Variants in FAF1 observed in about 807,000 individuals in gnomAD.
The protein encoded by FAF1 is FAS-associated factor 1.
In FAF1, 25 loss-of-function variants were observed where a neutral mutation model predicts 92.5. That is an observed-to-expected ratio of 0.27 (90% CI 0.20 to 0.38). FAF1 has a LOEUF of 0.38. FAF1 is among the 10% of genes least tolerant of loss of function. FAF1 has a pLI of 1.00. For synonymous variants in FAF1, 234 were observed against 273.2 expected (o/e 0.86, Z 1.42); for missense variants, 636 against 793.3 (o/e 0.80, Z 2.38).
chr1:50,950,047 C>G (rs1292459284), intron 1 of FAF1, among the ~76,000 whole-genome samples: 1 of 151,934 alleles, frequency 6.6e-6, no homozygotes, highest in Non-Finnish European at 1.5e-5. Flanking sequence ...TGTTATGTTG[C>G]CCAAGCTGAT....
In FAF1 at chr1:50,841,344, G is replaced by T. The variant is rs1040274003; in HGVS notation, c.114+16585C>A. On this transcript the variant is annotated intron_variant, in intron 2 of 18. Transcript: ENST00000396153. ...AAAAGAGTTTAAGAAAAATTGGTAT[G>T]TATGTACACATGCTTATATATAGAT... Among the ~76,000 whole-genome samples the T allele has an allele frequency of 3.9e-5, 6 of 151,980 alleles. No homozygotes were observed. In the South Asian group the frequency reaches 1.0e-3, roughly 26 times the overall value.
chr1:50,530,238 G>GGTGT (rs72220248), intron 15 of FAF1, among the ~76,000 whole-genome samples: 5,697 of 141,178 alleles, frequency 0.04, 143 homozygotes, highest in Non-Finnish European at 0.051. Flanking sequence ...TTTAAGAAGT[G>GGTGT]GTGTGTGTGT....
At chr1:50,492,956 T>C (rs538928149) in intron 15 of FAF1, among the ~76,000 whole-genome samples, 1 of 152,260 alleles carries the variant, frequency 6.6e-6, no homozygotes, top group African/African-American at 2.4e-5. Context: ...AAGGTAATTG[T>C]TATACTACAA....
chr1:50,638,795 C>A (rs746099111), intron 8 of FAF1, among the ~76,000 whole-genome samples: 1 of 152,086 alleles, frequency 6.6e-6, no homozygotes, highest in Non-Finnish European at 1.5e-5. Context: ...AAATTCTTCT[C>A]TATTCCCAGT....
chr1:50,875,250 TTTG>T (rs966475140), intron 1 of FAF1, among the ~76,000 whole-genome samples: 2 of 151,868 alleles, frequency 1.3e-5, no homozygotes, highest in African/African-American at 4.8e-5. Flanking sequence ...ATTTTGGGGG[TTTG>T]TTGTTTTATT....
At chr1:50,724,298 C>CACAT (rs1553132409) in intron 6 of FAF1, among the ~76,000 whole-genome samples, 60 of 124,114 alleles carry the variant, frequency 4.8e-4, no homozygotes, top group Admixed American at 2.4e-3. Flanking sequence ...CACACACATA[C>CACAT]ACACACACAC....
At chr1:50,442,806 A>C (rs969564001) in intron 18 of FAF1, among the ~76,000 whole-genome samples, 2 of 152,210 alleles carry the variant, frequency 1.3e-5, no homozygotes, top group Non-Finnish European at 2.9e-5. Flanking sequence ...CTTCAGCTGT[A>C]TCTAGATGGA....
intron 1 of FAF1, among the ~76,000 whole-genome samples, chr1:50,887,857 G>A (rs547613415): frequency 1.3e-5 from 2 of 152,150 alleles, no homozygotes; most frequent in Middle Eastern, 3.2e-3. Context: ...TCTTGGCAAG[G>A]CAGGCTCTTT....
chr1:50,904,381 T>A (rs1269290039), intron 1 of FAF1, among the ~76,000 whole-genome samples: 1 of 152,150 alleles, frequency 6.6e-6, no homozygotes, highest in Non-Finnish European at 1.5e-5. Flanking sequence ...GGAATTAAAG[T>A]TTAATTGGCA....
intron 1 of FAF1, among the ~76,000 whole-genome samples, chr1:50,926,655 T>C (rs1645008485): frequency 6.6e-6 from 1 of 152,182 alleles, no homozygotes; most frequent in Admixed American, 6.5e-5. Flanking sequence ...ACACATTGCA[T>C]ATTCTTATGA....
intron 15 of FAF1, among the ~76,000 whole-genome samples, chr1:50,506,818 A>C (rs1015063637): frequency 6.6e-6 from 1 of 152,332 alleles, no homozygotes; most frequent in Admixed American, 6.5e-5. Context: ...ATATACAACA[A>C]GAGAAAAAAG....
chr1:50,926,684 A>G (rs574693299), intron 1 of FAF1, among the ~76,000 whole-genome samples: 5 of 152,338 alleles, frequency 3.3e-5, no homozygotes, highest in African/African-American at 7.2e-5. Context: ...GTTGTATCCC[A>G]TAAGTATACA....
chr1:50,837,312 T>C (rs1644216632), intron 2 of FAF1, among the ~76,000 whole-genome samples: 1 of 152,134 alleles, frequency 6.6e-6, no homozygotes, highest in Non-Finnish European at 1.5e-5. Flanking sequence ...GATCACGCAT[T>C]GTTGTATTTA....
intron 9 of FAF1, among the ~76,000 whole-genome samples, chr1:50,587,346 T>C (rs1032121407): frequency 1.3e-5 from 2 of 152,052 alleles, no homozygotes; most frequent in African/African-American, 2.4e-5. Context: ...CAAAGGGAGG[T>C]ATCTAAAAAG....
chr1:50,492,423 G>A (rs1258998806), intron 15 of FAF1, among the ~76,000 whole-genome samples: 1 of 152,110 alleles, frequency 6.6e-6, no homozygotes, highest in Non-Finnish European at 1.5e-5. Flanking sequence ...AATAACAAAA[G>A]TTATCTAAGT....
intron 6 of FAF1, among the ~76,000 whole-genome samples, chr1:50,720,025 G>A (rs781265120): frequency 1.3e-5 from 2 of 150,594 alleles, no homozygotes; most frequent in African/African-American, 2.4e-5. Flanking sequence ...TCTTTGAGAA[G>A]GAGTCTTGTT....
At chr1:50,939,984 C>T (rs1645118190) in intron 1 of FAF1, among the ~76,000 whole-genome samples, 1 of 152,198 alleles carries the variant, frequency 6.6e-6, no homozygotes, top group Admixed American at 6.5e-5. Context: ...GATCTCAGCT[C>T]ACTGCAACCA....
At chr1:50,656,169 T>C (rs551131824) in intron 7 of FAF1, among the ~76,000 whole-genome samples, 16 of 151,924 alleles carry the variant, frequency 1.1e-4, no homozygotes, top group African/African-American at 3.1e-4. Context: ...CCATCTTTAC[T>C]AAAAATACAA....
chr1:50,772,250 G>C (rs1409638195), intron 4 of FAF1, among the ~76,000 whole-genome samples: 1 of 152,194 alleles, frequency 6.6e-6, no homozygotes, highest in Non-Finnish European at 1.5e-5. Context: ...CTGTTGGTGG[G>C]AATGTAAATT....
Sources: gnomAD v4.1 joint callset for allele counts (sites outside exome capture counted in the v4.1 genomes callset) on GRCh38, gnomAD v4.1.1 for gene constraint, MANE v1.5 for transcripts, NCBI Gene and HGNC (gene_info 2026-07-23, HGNC 2026-07-21) for gene names.